FGD2: variants seen among roughly 807,000 people sequenced by gnomAD.
FGD2 encodes the protein FYVE, RhoGEF and PH domain-containing protein 2.
In FGD2, 52 loss-of-function variants were observed where a neutral mutation model predicts 75.9. The observed-to-expected ratio is 0.69, with a 90% CI of 0.55 to 0.86. The LOEUF is 0.86. FGD2 is among the 40% of genes least tolerant of loss of function. The pLI, the probability that FGD2 is intolerant of heterozygous loss-of-function variation, is 0.00. For missense variants in FGD2, 790 were observed against 872.0 expected (o/e 0.91, Z 1.18); for synonymous variants, 347 against 348.6 (o/e 1.00, Z 0.05).
At chr6:37,013,931 T>A (rs2150772910) in intron 5 of FGD2, 31 bp from the exon 6 acceptor site, 1 of 1,607,664 alleles carries the variant, frequency 6.2e-7, no homozygotes, top group African/African-American at 1.3e-5. Context: ...TCTCTCACCC[T>A]CTCCGTGTTG....
chr6:37,014,235 C>A, intron 6 of FGD2, 135 bp downstream of exon 6: 4 of 1,098,056 alleles, frequency 3.6e-6, no homozygotes, highest in South Asian at 3.2e-5. Flanking sequence ...TAGACATCAT[C>A]CATACCATTA....
intron 2 of FGD2, among the ~76,000 whole-genome samples, chr6:37,010,425 T>C (rs1764950100): frequency 6.6e-6 from 1 of 152,206 alleles, no homozygotes; most frequent in African/African-American, 2.4e-5. Flanking sequence ...CATCTCCAAA[T>C]ACACTTACAT....
chr6:37,022,786 G>A (rs1765656216), intron 13 of FGD2: 1 of 179,438 alleles, frequency 5.6e-6, no homozygotes, highest in Non-Finnish European at 1.2e-5. Context: ...TCCCCATCTT[G>A]GCCAAATCTG....
intron 1 of FGD2, among the ~76,000 whole-genome samples, chr6:37,007,959 G>A (rs190654279): frequency 6.3e-4 from 96 of 152,272 alleles, no homozygotes; most frequent in African/African-American, 2.0e-3. Flanking sequence ...ACTCAAATGG[G>A]GAGGGGCAGG....
chr6:37,026,655 G>A (rs1765835009), intron 14 of FGD2, among the ~76,000 whole-genome samples: 1 of 152,176 alleles, frequency 6.6e-6, no homozygotes, highest in Non-Finnish European at 1.5e-5. Flanking sequence ...TCCCTGGGAG[G>A]TGGGAGAAGG....
rs1765634893 is a variant in FGD2 at position 37,022,432 on chromosome 6, C to T, written c.1458+62C>T. On this transcript the variant is annotated intron_variant, in intron 13 of 15. Transcript: ENST00000274963. ...GTCACCCAGGCCTCCACCTGCATCA[C>T]CCAGGCCTCCACCTTTCCTACCTAG... The T allele has an allele frequency of 1.6e-5, 24 of 1,505,370 alleles. 1 individual carries two copies. In the South Asian group the frequency reaches 3.0e-4, roughly 19 times the overall value. The allele number at this position is 1,505,370 out of a possible 1,614,324, so 93.3% of individuals were successfully genotyped here. A position where few individuals can be genotyped will look rare whatever the true frequency, so the allele number is the denominator to read the frequency against.
At chr6:37,009,560 A>T (rs1188380617) in intron 2 of FGD2, 1 of 152,690 alleles carries the variant, frequency 6.5e-6, no homozygotes, top group Non-Finnish European at 1.5e-5. Flanking sequence ...TGTGCACCCA[A>T]ATTCCCTGGA....
rs369556514 is a variant in FGD2 at position 37,014,033 on chromosome 6, C to T, written c.756C>T (p.Tyr252=). 74 of 1,614,014 alleles carry T rather than the reference C, an allele frequency of 4.6e-5. No individual in the cohort carries two copies. Among genetic ancestry groups the T allele is most frequent in the Admixed American group, 3.7e-4 (22 of 59,998 alleles). The change falls in exon 6 of 16, where the codon TAC becomes TAT. Residue 252 remains tyrosine (Y), a synonymous_variant. Transcript: ENST00000274963. The part of the protein sequence containing the change: ...MLEPVQRIPR[Y]ELLLKEYIQK... The stretch of plus-strand genomic sequence containing the variant: ...AACCAGTGCAGAGAATTCCACGTTA[C>T]GAGCTGCTGCTCAAGGAGTACATCC...
At position 37,008,831 on chromosome 6, in the gene FGD2, C is replaced by T; in HGVS notation, c.69-3C>T. On this transcript the variant is annotated splice_region_variant and splice_polypyrimidine_tract_variant and intron_variant, in intron 1 of 15. Transcript: ENST00000274963. ...AGCCCTCAGGTCTGTCTCTTCTCCT[C>T]AGGACCCCAGAAGCAGCACCCAGAG... is the stretch of plus-strand genomic sequence containing the variant. 3 of 1,577,902 alleles carry T rather than the reference C, an allele frequency of 1.9e-6. No homozygotes were observed. The highest frequency in any genetic ancestry group is 2.6e-6 in the Non-Finnish European group (3 of 1,159,186).
At chr6:37,006,473 G>A (rs746051334) in intron 1 of FGD2, among the ~76,000 whole-genome samples, 33 of 152,204 alleles carry the variant, frequency 2.2e-4, no homozygotes, top group Non-Finnish European at 4.0e-4. Context: ...TCTTATAGAT[G>A]AGGAAATGGA....
chr6:37,025,068 G>C (rs1561942095), intron 13 of FGD2: 1 of 152,338 alleles, frequency 6.6e-6, no homozygotes, highest in Admixed American at 6.5e-5. Context: ...GCGGCACCCA[G>C]TGTTCCTCTC....
intron 5 of FGD2, 90 bp downstream of exon 5, chr6:37,013,855 C>T (rs1765144326): frequency 1.3e-6 from 2 of 1,586,188 alleles, no homozygotes; most frequent in South Asian, 1.2e-5. Context: ...ATCTCCCAGG[C>T]TCAGCTGCTT....
At chr6:37,008,726 C>T (rs1764863719) in intron 1 of FGD2, 108 bp from the exon 2 acceptor site, 3 of 1,028,012 alleles carry the variant, frequency 2.9e-6, no homozygotes, top group Admixed American at 5.3e-5. Context: ...ACCCAGGGGC[C>T]CCTGCACTGG....
chr6:37,020,636 TGGC>T lies in FGD2; in HGVS notation c.1202+20_1202+22del. 1 of 1,595,216 alleles carries T rather than the reference TGGC, an allele frequency of 6.3e-7. No homozygotes were observed. Among genetic ancestry groups the T allele is most frequent in the South Asian group, 1.1e-5 (1 of 87,852 alleles). On this transcript the variant is annotated intron_variant, in intron 10 of 15. Coordinates refer to ENST00000274963, the MANE Select transcript of FGD2 (RefSeq NM_173558.4). ...TGCAAGCCCGGTAAAGGAGCTGGGG[TGGC>T]GGCCCAGGGCCAGGCGGGAAAACTG...
At chr6:37,023,813 T>G (rs1432400616) in intron 13 of FGD2, 13 of 152,236 alleles carry the variant, frequency 8.5e-5, no homozygotes, top group Non-Finnish European at 1.5e-5. Context: ...TTGAATTGAT[T>G]CACACTTGTG....
At position 37,025,630 on chromosome 6, in the gene FGD2, G is replaced by A. The variant is rs1424735615; in HGVS notation, c.1459-162G>A. 9.8e-6 allele frequency: 7 copies of A among 712,204 alleles called. No individual in the cohort carries two copies. The East Asian group carries it at 1.9e-4, about 19-fold the overall frequency. The allele number at this position is 712,204 out of a possible 1,614,324, so 44.1% of individuals were successfully genotyped here. Reference sequence around the variant, plus strand: ...GCCTCCAGGCAGTTGGGCCTCACCAGCATGGGGGAGCATCCCCGCTCTGCC... The same window carrying A: ...GCCTCCAGGCAGTTGGGCCTCACCAACATGGGGGAGCATCCCCGCTCTGCC... On this transcript the variant is annotated intron_variant, in intron 13 of 15. Coordinates refer to ENST00000274963, the MANE Select transcript of FGD2 (RefSeq NM_173558.4).
At position 37,028,434 on chromosome 6, in the gene FGD2, C is replaced by CCAGT. The variant is rs1765935582; in HGVS notation, c.*272_*273insAGTC. 2.2e-6 allele frequency: 1 copy of CCAGT among 444,924 alleles called. No individual in the cohort carries two copies. The highest frequency in any genetic ancestry group is 1.9e-5 in the African/African-American group (1 of 51,334). 27.6% of individuals were successfully genotyped at this position (444,924 alleles called of 1,614,324 possible). A position where few individuals can be genotyped will look rare whatever the true frequency, so the allele number is the denominator to read the frequency against. ...CTTCCAGTGCTAAAACTGGGAAAGC[C>CCAGT]CCAGGTAACCCCGGACTGGTGGTCA... On this transcript the variant is annotated 3_prime_UTR_variant, in exon 16 of 16. Coordinates refer to ENST00000274963, the MANE Select transcript of FGD2 (RefSeq NM_173558.4).
At position 37,021,497 on chromosome 6, in the gene FGD2, C is replaced by G. The variant is rs374808411; in HGVS notation, c.1234-15C>G. On this transcript the variant is annotated splice_polypyrimidine_tract_variant and intron_variant, in intron 11 of 15. Coordinates refer to ENST00000274963, the MANE Select transcript of FGD2 (RefSeq NM_173558.4). ...CACACCTCAAGCCCCGACCCTCCCC[C>G]TCCCTGCACCCCAGGCCTTCCAAGC... 1.9e-5 allele frequency: 30 copies of G among 1,610,708 alleles called. No homozygotes were observed. Among genetic ancestry groups the G allele is most frequent in the African/African-American group, 9.3e-5 (7 of 74,894 alleles).
chr6:37,027,725 T>C, intron 15 of FGD2, 150 bp downstream of exon 15: 1 of 1,174,670 alleles, frequency 8.5e-7, no homozygotes, highest in Non-Finnish European at 1.2e-6. Context: ...GTCTCAAGGT[T>C]GGTAGGTTTC....
Sources: gnomAD v4.1 joint callset for allele counts (sites outside exome capture counted in the v4.1 genomes callset) on GRCh38, gnomAD v4.1.1 for gene constraint, MANE v1.5 for transcripts, NCBI Gene and HGNC (gene_info 2026-07-23, HGNC 2026-07-21) for gene names.